Variants in OPCML observed in about 807,000 individuals in gnomAD.
OPCML encodes the protein opioid binding protein/cell adhesion molecule like.
A neutral mutation model predicts 37.8 loss-of-function variants in OPCML; 13 were observed. The ratio of observed to expected loss-of-function variants is 0.34; its 90% CI spans 0.22 to 0.55. OPCML has a LOEUF of 0.55. OPCML is among the 20% of genes least tolerant of loss of function. OPCML has a pLI of 0.91. For synonymous variants in OPCML, 176 were observed against 168.8 expected, an observed-to-expected ratio of 1.04 and a Z score of -0.33; for missense variants, 341 against 435.6, an observed-to-expected ratio of 0.78 and a Z score of 1.93.
At position 132,827,510 on chromosome 11, in the gene OPCML, C is replaced by T. The variant is rs537790793; in HGVS notation, c.146+115416G>A. Among the ~76,000 whole-genome samples the T allele has an allele frequency of 5.3e-5, 8 of 152,302 alleles. No homozygotes were observed. The South Asian group carries it at 1.7e-3, about 32-fold the overall frequency. On this transcript the variant is annotated intron_variant, in intron 2 of 7. Transcript: ENST00000524381. ...TGGGAAACAATTTGACAGTCTTTTACAAAACTTAACATACTCTTACTGTAT... is the reference window on the plus strand; with the variant it reads ...TGGGAAACAATTTGACAGTCTTTTATAAAACTTAACATACTCTTACTGTAT...
chr11:133,432,211 G>C (rs1003694764), intron 1 of OPCML, among the ~76,000 whole-genome samples: 1 of 152,082 alleles, frequency 6.6e-6, no homozygotes, highest in East Asian at 1.9e-4. Flanking sequence ...ATTTACCCAC[G>C]TAACACTCTG....
intron 3 of OPCML, among the ~76,000 whole-genome samples, chr11:132,529,756 C>T (rs1591512370): frequency 6.6e-6 from 1 of 152,200 alleles, no homozygotes; most frequent in South Asian, 2.1e-4. Context: ...TCCCTTAAGA[C>T]ACATCCTTTA....
At chr11:132,492,084 G>T (rs1218355912) in intron 4 of OPCML, among the ~76,000 whole-genome samples, 1 of 151,996 alleles carries the variant, frequency 6.6e-6, no homozygotes, top group East Asian at 1.9e-4. Flanking sequence ...GTGTGGCCAG[G>T]ACATTAAGGG....
intron 1 of OPCML, among the ~76,000 whole-genome samples, chr11:133,420,018 T>C (rs1474988009): frequency 6.6e-6 from 1 of 152,208 alleles, no homozygotes; most frequent in East Asian, 1.9e-4. Flanking sequence ...GATACAAGAA[T>C]TTTGCAAAAA....
intron 1 of OPCML, among the ~76,000 whole-genome samples, chr11:133,404,501 A>C (rs7938652): frequency 6.6e-6 from 1 of 152,132 alleles, no homozygotes; most frequent in South Asian, 2.1e-4. Flanking sequence ...CCCAAAAAGT[A>C]AGCAAATTAT....
intron 4 of OPCML, among the ~76,000 whole-genome samples, chr11:132,494,198 C>T (rs2096224327): frequency 1.3e-5 from 2 of 152,162 alleles, no homozygotes; most frequent in South Asian, 2.1e-4. Flanking sequence ...GCAAGAAGGA[C>T]AATGTCAGTT....
intron 1 of OPCML, among the ~76,000 whole-genome samples, chr11:133,493,636 A>T (rs1044017596): frequency 1.3e-5 from 2 of 152,232 alleles, no homozygotes; most frequent in African/African-American, 4.8e-5. Context: ...AAAAATAAGC[A>T]TGCATTTAGT....
At chr11:132,498,533 A>G (rs2137109523) in intron 4 of OPCML, among the ~76,000 whole-genome samples, 1 of 152,372 alleles carries the variant, frequency 6.6e-6, no homozygotes, top group South Asian at 2.1e-4. Flanking sequence ...GAGACTGTCT[A>G]AAACCAATGT....
chr11:132,647,372 T>G (rs1941205947), intron 3 of OPCML, among the ~76,000 whole-genome samples: 1 of 152,326 alleles, frequency 6.6e-6, no homozygotes, highest in Non-Finnish European at 1.5e-5. Flanking sequence ...AGTTAACTCT[T>G]GAATAATATA....
chr11:132,943,192 A>T lies in OPCML; in HGVS notation c.62-182T>A. The T allele has an allele frequency of 6.4e-7, 1 of 1,566,840 alleles. No homozygotes were observed. The highest frequency in any genetic ancestry group is 2.3e-5 in the East Asian group (1 of 44,102). On this transcript the variant is annotated intron_variant, in intron 1 of 7. Transcript: ENST00000524381. This position sits in a 1 kb window ranked among gnomAD's most constrained non-coding sequence, Gnocchi z 4.3. ...CGGGAAGCGGTGCGGGGAGGAGGGAAGGGGCAGAGTTCGCCAGGAGCAGGG... is the reference window on the plus strand; with the variant it reads ...CGGGAAGCGGTGCGGGGAGGAGGGATGGGGCAGAGTTCGCCAGGAGCAGGG...
intron 3 of OPCML, among the ~76,000 whole-genome samples, chr11:132,652,780 C>G (rs1941496276): frequency 6.6e-6 from 1 of 152,174 alleles, no homozygotes; most frequent in African/African-American, 2.4e-5. Context: ...CATGACTGTC[C>G]TCTCCGAGTC....
chr11:133,456,792 A>AG (rs1429503896), intron 1 of OPCML, among the ~76,000 whole-genome samples: 1 of 152,084 alleles, frequency 6.6e-6, no homozygotes, highest in Non-Finnish European at 1.5e-5. Context: ...AAAAAAAAAA[A>AG]AAATTCACTG....
intron 4 of OPCML, among the ~76,000 whole-genome samples, chr11:132,460,589 G>A (rs2096097917): frequency 6.6e-6 from 1 of 152,150 alleles, no homozygotes; most frequent in Admixed American, 6.5e-5. Flanking sequence ...ATTGATGCTT[G>A]GTATCTTGAT....
intron 1 of OPCML, among the ~76,000 whole-genome samples, chr11:133,256,038 C>T (rs772345974): frequency 7.9e-5 from 12 of 152,286 alleles, no homozygotes; most frequent in African/African-American, 1.7e-4. Context: ...GCTACAAAGG[C>T]GGCTAAGGCT....
intron 3 of OPCML, among the ~76,000 whole-genome samples, chr11:132,569,008 T>C (rs1042280549): frequency 6.6e-6 from 1 of 152,110 alleles, no homozygotes; most frequent in Non-Finnish European, 1.5e-5. Flanking sequence ...CAATGGTAAA[T>C]GTGCAGATAC....
chr11:133,363,449 TC>T (rs1288933543), intron 1 of OPCML, among the ~76,000 whole-genome samples: 3 of 152,220 alleles, frequency 2.0e-5, no homozygotes, highest in Middle Eastern at 3.4e-3. Flanking sequence ...GAAAATGGGA[TC>T]CCCCCAGCAA....
At chr11:132,977,672 G>C (rs984570322) in intron 1 of OPCML, among the ~76,000 whole-genome samples, 1 of 152,174 alleles carries the variant, frequency 6.6e-6, no homozygotes, top group African/African-American at 2.4e-5. Context: ...ACAGCTGGCA[G>C]ACAGAATTAT....
chr11:133,102,474 G>A (rs1309689089), intron 1 of OPCML, among the ~76,000 whole-genome samples: 2 of 152,132 alleles, frequency 1.3e-5, no homozygotes, highest in African/African-American at 4.8e-5. Context: ...ATTGGCCAGG[G>A]GCGGTGGCTC....
intron 1 of OPCML, among the ~76,000 whole-genome samples, chr11:133,388,164 T>A (rs1362982982): frequency 6.6e-6 from 1 of 152,302 alleles, no homozygotes; most frequent in South Asian, 2.1e-4. Flanking sequence ...GGCTGGCCCA[T>A]AGAAAATGTC....
Sources: gnomAD v4.1 joint callset for allele counts (sites outside exome capture counted in the v4.1 genomes callset) on GRCh38, gnomAD v4.1.1 for gene constraint, Gnocchi (gnomAD v3.1) non-coding constraint, MANE v1.5 for transcripts, NCBI Gene and HGNC (gene_info 2026-07-23, HGNC 2026-07-21) for gene names.